DLG2: variants seen among roughly 807,000 people sequenced by gnomAD.
The protein encoded by DLG2 is discs large MAGUK scaffold protein 2.
Under a neutral mutation model 132.5 loss-of-function variants are expected in DLG2, and 45 were observed. That is an observed-to-expected ratio of 0.34 (90% CI 0.27 to 0.44). The LOEUF is 0.44. Ranked by LOEUF, DLG2 falls within the 20% of genes least tolerant of loss-of-function variation. The pLI is 1.00. For synonymous variants in DLG2, 424 were observed against 419.6 expected (o/e 1.01, Z -0.13); for missense variants, 1,045 against 1,196.9 (o/e 0.87, Z 1.87).
chr11:83,993,849 CA>C (rs1016589665), intron 11 of DLG2, among the ~76,000 whole-genome samples: 1 of 152,104 alleles, frequency 6.6e-6, no homozygotes, highest in African/African-American at 2.4e-5. Flanking sequence ...CACAAAGCCA[CA>C]AAAGTTACAT....
chr11:84,723,551 A>T (rs2062069815), intron 6 of DLG2, among the ~76,000 whole-genome samples: 1 of 152,090 alleles, frequency 6.6e-6, no homozygotes, highest in Non-Finnish European at 1.5e-5. Flanking sequence ...GATGAGGGGG[A>T]AAGTGGTTTC....
intron 6 of DLG2, among the ~76,000 whole-genome samples, chr11:84,778,965 T>C (rs1229496783): frequency 6.6e-6 from 1 of 152,160 alleles, no homozygotes; most frequent in Admixed American, 6.6e-5. Context: ...TCTTTGGTTT[T>C]TGGACTCTTG....
intron 6 of DLG2, among the ~76,000 whole-genome samples, chr11:84,816,273 A>T (rs2077076859): frequency 6.6e-6 from 1 of 152,038 alleles, no homozygotes; most frequent in Non-Finnish European, 1.5e-5. Context: ...GAAAAGAAAC[A>T]ACTGGTACCA....
chr11:84,205,770 G>T (rs1248005978), intron 8 of DLG2, among the ~76,000 whole-genome samples: 1 of 151,984 alleles, frequency 6.6e-6, no homozygotes, highest in Non-Finnish European at 1.5e-5. Context: ...AATGATCTAA[G>T]CTTCTATCTT....
intron 7 of DLG2, among the ~76,000 whole-genome samples, chr11:84,411,624 G>A (rs1416626679): frequency 6.6e-6 from 1 of 151,932 alleles, no homozygotes; most frequent in African/African-American, 2.4e-5. Flanking sequence ...AGAGGTGGAT[G>A]GTAGTAAGCT....
At chr11:85,513,246 C>T (rs544972674) in intron 3 of DLG2, among the ~76,000 whole-genome samples, 1 of 151,850 alleles carries the variant, frequency 6.6e-6, no homozygotes, top group African/African-American at 2.4e-5. Flanking sequence ...TTGGGTAATA[C>T]GTTCAATTAG....
intron 7 of DLG2, among the ~76,000 whole-genome samples, chr11:84,251,842 A>G (rs7112175): frequency 0.9 from 135,837 of 151,696 alleles, 60,922 homozygotes; most frequent in East Asian, 1. Context: ...GGTTTCCCAC[A>G]TTGGCCAGGA....
intron 8 of DLG2, among the ~76,000 whole-genome samples, chr11:84,240,973 A>G (rs946126791): frequency 1.3e-5 from 2 of 152,144 alleles, no homozygotes; most frequent in African/African-American, 4.8e-5. Flanking sequence ...ACTCAACCCA[A>G]CCTCATATTA....
intron 3 of DLG2, among the ~76,000 whole-genome samples, chr11:85,417,204 T>C (rs1359190815): frequency 1.3e-5 from 2 of 152,192 alleles, no homozygotes; most frequent in African/African-American, 4.8e-5. Context: ...GAGATAATCA[T>C]GTGGTTTTTG....
intron 18 of DLG2, among the ~76,000 whole-genome samples, chr11:83,689,406 G>A (rs75502374): frequency 0.015 from 2,226 of 152,218 alleles, 53 homozygotes; most frequent in African/African-American, 0.051. Flanking sequence ...TTGATAGTAG[G>A]AATACCAGAG....
At chr11:84,460,197 G>A (rs1396532347) in intron 7 of DLG2, among the ~76,000 whole-genome samples, 1 of 150,428 alleles carries the variant, frequency 6.6e-6, no homozygotes, top group African/African-American at 2.4e-5. Flanking sequence ...GCCTTCCAGG[G>A]AGTAAACTCT....
At chr11:85,325,705 C>T (rs923375452) in intron 3 of DLG2, among the ~76,000 whole-genome samples, 10 of 43,742 alleles carry the variant, frequency 2.3e-4, no homozygotes, top group Middle Eastern at 8.3e-3. Context: ...AACTCTAAAA[C>T]GCAGAGCGCC....
At chr11:83,728,340 A>G (rs1201078477) in intron 18 of DLG2, among the ~76,000 whole-genome samples, 1 of 152,132 alleles carries the variant, frequency 6.6e-6, no homozygotes, top group Admixed American at 6.6e-5. Flanking sequence ...TTGCTTCCCT[A>G]ATAGCCTCTC....
intron 10 of DLG2, among the ~76,000 whole-genome samples, chr11:84,077,311 C>G (rs1057020706): frequency 6.6e-6 from 1 of 152,122 alleles, no homozygotes; most frequent in Non-Finnish European, 1.5e-5. Flanking sequence ...AGAAATGGTC[C>G]TACTAAATTC....
At chr11:84,638,359 C>T (rs1388869688) in intron 6 of DLG2, among the ~76,000 whole-genome samples, 4 of 152,146 alleles carry the variant, frequency 2.6e-5, no homozygotes, top group Admixed American at 6.5e-5. Flanking sequence ...GAAATGATAT[C>T]AGCATTTAGT....
chr11:84,883,023 A>G (rs890392321), intron 6 of DLG2, among the ~76,000 whole-genome samples: 1 of 152,144 alleles, frequency 6.6e-6, no homozygotes, highest in African/African-American at 2.4e-5. Flanking sequence ...TGTTTACTGC[A>G]GCACTATTCA....
At chr11:85,404,931 G>A (rs2152970428) in intron 3 of DLG2, among the ~76,000 whole-genome samples, 1 of 152,084 alleles carries the variant, frequency 6.6e-6, no homozygotes, top group Admixed American at 6.6e-5. Context: ...TATTTAGACT[G>A]CAAAGTGATC....
At chr11:84,708,346 T>C (rs906783646) in intron 6 of DLG2, among the ~76,000 whole-genome samples, 2 of 152,010 alleles carry the variant, frequency 1.3e-5, no homozygotes, top group South Asian at 2.1e-4. Flanking sequence ...ACTTTCTAAA[T>C]TGCCAGATAA....
intron 7 of DLG2, among the ~76,000 whole-genome samples, chr11:84,300,141 T>A (rs1325300722): frequency 1.3e-5 from 2 of 152,128 alleles, no homozygotes; most frequent in African/African-American, 4.8e-5. Flanking sequence ...TATGTAAACA[T>A]ACTAAAATAG....
Sources: allele counts gnomAD v4.1 joint callset (sites outside exome capture counted in the v4.1 genomes callset), GRCh38; gene constraint gnomAD v4.1.1; transcripts MANE v1.5; gene names NCBI Gene and HGNC (gene_info 2026-07-23, HGNC 2026-07-21).